LIG1: variants seen among roughly 807,000 people sequenced by gnomAD.
LIG1 encodes DNA ligase 1.
In LIG1, 70 loss-of-function variants were observed where a neutral mutation model predicts 115.7. The observed-to-expected ratio is 0.60, with a 90% CI of 0.50 to 0.74. LIG1 has a LOEUF of 0.74. Among genes scored for constraint, LIG1 ranks in the 30% least tolerant of loss-of-function variants. LIG1 has a pLI of 0.00. For missense variants in LIG1, 1,115 were observed against 1,225.6 expected, an observed-to-expected ratio of 0.91 and a Z score of 1.35; for synonymous variants, 487 against 495.3, an observed-to-expected ratio of 0.98 and a Z score of 0.22.
intron 5 of LIG1, among the ~76,000 whole-genome samples, chr19:48,155,625 C>T (rs1303319412): frequency 6.6e-6 from 1 of 152,044 alleles, no homozygotes; most frequent in Non-Finnish European, 1.5e-5. Context: ...CTTGCAGCCA[C>T]GTTAATAAAA....
chr19:48,133,433 A>G (rs2034172714), intron 17 of LIG1: 1 of 365,048 alleles, frequency 2.7e-6, no homozygotes. Flanking sequence ...GATCACAGAC[A>G]TTGGGGTGAC....
At position 48,137,575 on chromosome 19, in the gene LIG1, C is replaced by G; in HGVS notation, c.1201G>C (p.Ala401Pro). 1 of 1,613,476 alleles carries G rather than the reference C, an allele frequency of 6.2e-7. No individual in the cohort carries two copies. The highest frequency in any genetic ancestry group is 8.5e-7 in the Non-Finnish European group (1 of 1,180,012). Residue 401 changes from alanine (A) to proline (P), a missense_variant, in exon 13 of 28, where the codon GCC (alanine) becomes CCC (proline). Transcript: ENST00000263274. This position sits in a 1 kb window ranked among gnomAD's most constrained non-coding sequence, Gnocchi z 4.3. ...CGGAACTTGCTGAAGACCCCGGAGG[C>G]AGTGAGCGGAGGTGGTGGCAGCATG... ...RLMLPPPPLTASGVFSKFRDI... is the reference protein window; with the variant it reads ...RLMLPPPPLTPSGVFSKFRDI...
At chr19:48,147,812 T>C (rs2035214706) in intron 9 of LIG1, among the ~76,000 whole-genome samples, 2 of 143,356 alleles carry the variant, frequency 1.4e-5, no homozygotes, top group African/African-American at 5.1e-5. Context: ...AATGAGTCCA[T>C]GATTGACTAG....
rs141215260 is a variant in LIG1 at position 48,134,020 on chromosome 19, C to T, written c.1570G>A (p.Gly524Ser). ...DRIIPVLLEHGLERLPEHCKL... is the reference protein window; with the variant it reads ...DRIIPVLLEHSLERLPEHCKL... ...CAGTGCTCCGGGAGACGTTCCAGGC[C>T]GTGCTCCAGCAGCACGGGGATAATT... Residue 524 changes from glycine to serine, a missense_variant, in exon 17 of 28, where the codon GGC becomes AGC. Coordinates refer to ENST00000263274, the MANE Select transcript of LIG1 (RefSeq NM_000234.3). 230 of 1,557,062 alleles carry T rather than the reference C, an allele frequency of 1.5e-4. No homozygotes were observed. In the African/African-American group the frequency reaches 1.6e-3, roughly 11 times the overall value.
At chr19:48,164,577 T>C (rs1243757484) in intron 2 of LIG1, among the ~76,000 whole-genome samples, 3 of 152,146 alleles carry the variant, frequency 2.0e-5, no homozygotes. Flanking sequence ...GAAACTGGGC[T>C]CTAACACCCT....
intron 11 of LIG1, among the ~76,000 whole-genome samples, chr19:48,142,938 A>G (rs1457097267): frequency 6.6e-6 from 1 of 152,168 alleles, no homozygotes; most frequent in Non-Finnish European, 1.5e-5. Flanking sequence ...CACTGCACCC[A>G]GCCTCCATGA....
At chr19:48,156,403 C>T (rs557626491) in intron 5 of LIG1, among the ~76,000 whole-genome samples, 105 of 152,304 alleles carry the variant, frequency 6.9e-4, no homozygotes, top group Non-Finnish European at 1.3e-3. Flanking sequence ...GACTGAGCCC[C>T]GACTGAGGGC....
chr19:48,149,941 G>A (rs920489493), intron 8 of LIG1, 100 bp from the exon 9 acceptor site: 14 of 1,545,958 alleles, frequency 9.1e-6, no homozygotes, highest in African/African-American at 1.4e-5. Context: ...TCAGGGAGAT[G>A]GGAGACAGGC....
In LIG1 at chr19:48,157,003, T is replaced by TGTGTTCTC. The variant is rs756688486; in HGVS notation, c.370+3_370+10dup. 11 of 1,412,320 alleles carry TGTGTTCTC rather than the reference T, an allele frequency of 7.8e-6. No homozygotes were observed. Among genetic ancestry groups the TGTGTTCTC allele is most frequent in the Non-Finnish European group, 1.1e-5 (11 of 1,031,938 alleles). The allele number at this position is 1,412,320 out of a possible 1,614,324, so 87.5% of individuals were successfully genotyped here. A position where few individuals can be genotyped will look rare whatever the true frequency, so the allele number is the denominator to read the frequency against. ...AGGCGACTGAAGGGGCAGGGGCCCG[T>TGTGTTCTC]GTGTTCTCACCTGTGCGACGCTTCG... On this transcript the variant is annotated intron_variant, in intron 5 of 27. Transcript: ENST00000263274.
rs756660625 is a variant in LIG1, at chr19:48,131,125, T to C, written c.1772A>G (p.Gln591Arg). The change falls in exon 19 of 28, where the codon CAG becomes CGG. Residue 591 changes from glutamine (Q) to arginine (R), a missense_variant. Gln to Arg is a conservative substitution (Grantham distance 43). Coordinates refer to ENST00000263274, the MANE Select transcript of LIG1 (RefSeq NM_000234.3). ...GGEVKIFSRN[Q>R]EDNTGKYPDI... ...CGGGTACTTCCCAGTGTTGTCTTCCTGATTCCTGCTGAAGATCTTCACCTC... is the reference window on the plus strand; with the variant it reads ...CGGGTACTTCCCAGTGTTGTCTTCCCGATTCCTGCTGAAGATCTTCACCTC... The C allele has an allele frequency of 1.9e-6, 3 of 1,614,134 alleles. No individual in the cohort carries two copies. The highest frequency in any genetic ancestry group is 1.7e-6 in the Non-Finnish European group (2 of 1,179,994).
chr19:48,168,502 C>T (rs2036593907), intron 1 of LIG1, among the ~76,000 whole-genome samples: 1 of 152,172 alleles, frequency 6.6e-6, no homozygotes, highest in Admixed American at 6.5e-5. Context: ...GGAGGACCAC[C>T]TGGCGTCTCT....
In LIG1 at chr19:48,149,857, GA is replaced by G; in HGVS notation, c.698-17del. The G allele has an allele frequency of 3.1e-6, 5 of 1,612,278 alleles. No homozygotes were observed. Among genetic ancestry groups the G allele is most frequent in the Non-Finnish European group, 4.2e-6 (5 of 1,178,950 alleles). ...TTCCGGGGGGCTAGGAATGAAGACA[GA>G]AAACAGTGGGTCTTTTCTCCTTCCG... On this transcript the variant is annotated splice_polypyrimidine_tract_variant and intron_variant, in intron 8 of 27. Transcript: ENST00000263274.
At chr19:48,138,651 T>C (rs1056960887) in intron 12 of LIG1, among the ~76,000 whole-genome samples, 2 of 152,158 alleles carry the variant, frequency 1.3e-5, no homozygotes, top group Non-Finnish European at 2.9e-5. Context: ...GAGAGCAGTG[T>C]GAGTGTGAAC....
intron 25 of LIG1, chr19:48,118,537 T>TTTTTC (rs2033030427): frequency 7.3e-6 from 1 of 136,324 alleles, no homozygotes; most frequent in African/African-American, 2.9e-5. Context: ...AATGATCCTT[T>TTTTTC]TTTTTTTTTT....
intron 1 of LIG1, among the ~76,000 whole-genome samples, chr19:48,167,611 G>C (rs1172056479): frequency 6.6e-6 from 1 of 151,902 alleles, no homozygotes; most frequent in Non-Finnish European, 1.5e-5. Context: ...CGGATCACGA[G>C]GTCAGGAGTT....
Position 48,136,106 on chromosome 19 carries a change from G to A in LIG1, c.1351C>T (p.Arg451Cys), listed in dbSNP as rs746537204. The change falls in exon 15 of 28, where the codon CGC (arginine) becomes TGC (cysteine). Residue 451 changes from arginine to cysteine, a missense_variant. Physicochemically the swap from Arg to Cys is radical, Grantham distance 180. Transcript: ENST00000263274. Reference protein sequence around the residue: ...FIARSLSGRLRLGLAEQSVLA... With the variant: ...FIARSLSGRLCLGLAEQSVLA... ...ACCGACTGCTCTGCCAGCCCAAGGC[G>A]CAGCCGTCCGCTCAGGGACCTGGGG... 25 of 1,569,568 alleles carry A rather than the reference G, an allele frequency of 1.6e-5. No individual in the cohort carries two copies. Among genetic ancestry groups the A allele is most frequent in the African/African-American group, 2.7e-5 (2 of 73,908 alleles).
intron 1 of LIG1, among the ~76,000 whole-genome samples, chr19:48,169,409 A>C (rs912872508): frequency 6.6e-6 from 1 of 152,240 alleles, no homozygotes; most frequent in South Asian, 2.1e-4. Flanking sequence ...TTGGGACTAC[A>C]TAAGATGTCA....
At chr19:48,156,572 C>T (rs865945114) in intron 5 of LIG1, among the ~76,000 whole-genome samples, 32 of 152,172 alleles carry the variant, frequency 2.1e-4, no homozygotes, top group African/African-American at 7.5e-4. Flanking sequence ...ATGGTGGACC[C>T]GTGCTCTTAA....
In LIG1 at chr19:48,137,136, C is replaced by A. The variant is rs534708780; in HGVS notation, c.1255-52G>T. On this transcript the variant is annotated intron_variant, in intron 13 of 27. Transcript: ENST00000263274. The surrounding 1 kb of genome is among the most constrained non-coding windows in gnomAD (Gnocchi z 4.3). Reference sequence around the variant, plus strand: ...GTGCCTGGTGAAGGCAGGGACCACACCTCCACCCCACCAGCCGTGCTGCTG... The same window carrying A: ...GTGCCTGGTGAAGGCAGGGACCACAACTCCACCCCACCAGCCGTGCTGCTG... The A allele has an allele frequency of 1.8e-5, 25 of 1,421,602 alleles. No individual in the cohort carries two copies. The Admixed American group carries it at 3.1e-4, about 18-fold the overall frequency. 88.1% of individuals were successfully genotyped at this position (1,421,602 alleles called of 1,614,324 possible). A position where few individuals can be genotyped will look rare whatever the true frequency, so the allele number is the denominator to read the frequency against.
Sources: gnomAD v4.1 joint callset for allele counts (sites outside exome capture counted in the v4.1 genomes callset) on GRCh38, gnomAD v4.1.1 for gene constraint, Gnocchi (gnomAD v3.1) non-coding constraint, MANE v1.5 for transcripts, NCBI Gene and HGNC (gene_info 2026-07-23, HGNC 2026-07-21) for gene names.